The following DCUN1D1 variants were observed in gnomAD, a reference collection of about 807,000 sequenced individuals.
DCUN1D1 encodes the protein defective in cullin neddylation 1 domain containing 1.
DCUN1D1 carries 3 observed loss-of-function variants against 39.0 expected under a neutral mutation model. The observed-to-expected ratio is 0.08, with a 90% confidence interval of 0.04 to 0.20. DCUN1D1 has a LOEUF of 0.20. DCUN1D1 is among the 10% of genes least tolerant of loss of function. The pLI, the probability that DCUN1D1 is intolerant of heterozygous loss-of-function variation, is 1.00. For missense variants in DCUN1D1, 158 were observed against 302.4 expected, an observed-to-expected ratio of 0.52 and a Z score of 3.54; for synonymous variants, 82 against 96.3, an observed-to-expected ratio of 0.85 and a Z score of 0.87.
At position 182,964,151 on chromosome 3, in the gene DCUN1D1, A is replaced by T. The variant is rs1478576029; in HGVS notation, c.221-102T>A. ...ATATGCCATTTTTTAAATGACCACA[A>T]TATATGGAAGGCATGAAACGATATT... On this transcript the variant is annotated intron_variant, in intron 2 of 6. Coordinates refer to ENST00000292782, the MANE Select transcript of DCUN1D1 (RefSeq NM_020640.4). 3.4e-6 allele frequency: 3 copies of T among 893,120 alleles called. No individual in the cohort carries two copies. In the East Asian group the frequency reaches 7.7e-5, roughly 23 times the overall value. The allele number at this position is 893,120 out of a possible 1,614,324, so 55.3% of individuals were successfully genotyped here.
At chr3:182,948,490 A>G (rs976492225) in intron 4 of DCUN1D1, among the ~76,000 whole-genome samples, 27 of 151,650 alleles carry the variant, frequency 1.8e-4, no homozygotes, top group African/African-American at 6.1e-4. Flanking sequence ...CTTACCACAC[A>G]ACAGAGAACT....
chr3:182,979,386 T>G (rs1489159428), intron 1 of DCUN1D1, among the ~76,000 whole-genome samples: 3 of 151,994 alleles, frequency 2.0e-5, no homozygotes, highest in South Asian at 4.2e-4. Context: ...ACACACACCC[T>G]CCTCAAAGAG....
chr3:182,953,811 T>C (rs958682239), intron 4 of DCUN1D1, among the ~76,000 whole-genome samples: 1 of 152,180 alleles, frequency 6.6e-6, no homozygotes, highest in Non-Finnish European at 1.5e-5. Context: ...TGCATAAAAT[T>C]GAGATCCTTG....
In DCUN1D1 at chr3:182,945,038, A is replaced by C. The variant is rs1361943330; in HGVS notation, c.*56T>G. 6.8e-7 allele frequency: 1 copy of C among 1,476,728 alleles called. No homozygotes were observed. Among genetic ancestry groups the C allele is most frequent in the Non-Finnish European group, 9.4e-7 (1 of 1,060,558 alleles). 91.5% of individuals were successfully genotyped at this position (1,476,728 alleles called of 1,614,324 possible). On this transcript the variant is annotated 3_prime_UTR_variant, in exon 7 of 7. Transcript: ENST00000292782. ...CCAGCCAGCAGAAATTGACTGTGCA[A>C]TTTTCTGTTGTATTTATTGTACAGA... is the stretch of plus-strand genomic sequence containing the variant.
In DCUN1D1 at chr3:182,942,290, T is replaced by C. The variant is rs1282434851; in HGVS notation, c.*2804A>G. The C allele has an allele frequency of 2.0e-5, 3 of 152,108 alleles. No homozygotes were observed. The highest frequency in any genetic ancestry group is 7.2e-5 in the African/African-American group (3 of 41,434). The allele number at this position is 152,108 out of a possible 1,614,324, so 9.4% of individuals were successfully genotyped here. A position where few individuals can be genotyped will look rare whatever the true frequency, so the allele number is the denominator to read the frequency against. On this transcript the variant is annotated 3_prime_UTR_variant, in exon 7 of 7. Transcript: ENST00000292782. ...TTACAATGCTCTTTCCATGAATAAT[T>C]ATTCTTCCTAGAAAAGTTTTCAGGT...
intron 1 of DCUN1D1, among the ~76,000 whole-genome samples, chr3:182,971,986 C>T (rs1727961968): frequency 6.6e-6 from 1 of 151,586 alleles, no homozygotes; most frequent in African/African-American, 2.4e-5. Context: ...CTAAAAATTC[C>T]CCATTAAGCA....
chr3:182,978,125 G>C (rs1728335838), intron 1 of DCUN1D1, among the ~76,000 whole-genome samples: 1 of 150,828 alleles, frequency 6.6e-6, no homozygotes, highest in African/African-American at 2.4e-5. Context: ...TAGTCTGTGT[G>C]TGGGGGGAGG....
chr3:182,976,168 G>A (rs996979706), intron 1 of DCUN1D1, among the ~76,000 whole-genome samples: 6 of 152,002 alleles, frequency 3.9e-5, no homozygotes, highest in Non-Finnish European at 8.8e-5. Context: ...TCAAAACTCT[G>A]TACATAGAAG....
rs1560160889 is a variant in DCUN1D1, at chr3:182,947,542, G to T, written c.603+8C>A. The stretch of plus-strand genomic sequence containing the variant: ...AAACAGAGAGAAATGTAGAAAATGT[G>T]AACTTACCAACAAAAATTTATTCCA... On this transcript the variant is annotated splice_region_variant and intron_variant, in intron 5 of 6. Transcript: ENST00000292782. The T allele has an allele frequency of 2.7e-6, 4 of 1,487,590 alleles. No individual in the cohort carries two copies. The highest frequency in any genetic ancestry group is 3.7e-6 in the Non-Finnish European group (4 of 1,075,276). The allele number at this position is 1,487,590 out of a possible 1,614,324, so 92.1% of individuals were successfully genotyped here.
intron 1 of DCUN1D1, among the ~76,000 whole-genome samples, chr3:182,978,530 C>T (rs964566685): frequency 2.0e-5 from 3 of 152,120 alleles, no homozygotes; most frequent in African/African-American, 7.2e-5. Context: ...CTAGCACCAG[C>T]ATGCTTGGCT....
At chr3:182,957,142 G>A (rs1720858233) in intron 4 of DCUN1D1, among the ~76,000 whole-genome samples, 1 of 152,182 alleles carries the variant, frequency 6.6e-6, no homozygotes, top group Non-Finnish European at 1.5e-5. Flanking sequence ...TAATAAGGAA[G>A]AACTGTGTAA....
At chr3:182,966,222 T>C (rs965585209) in intron 1 of DCUN1D1, among the ~76,000 whole-genome samples, 4 of 152,154 alleles carry the variant, frequency 2.6e-5, no homozygotes, top group Non-Finnish European at 5.9e-5. Flanking sequence ...ACTGCAGTCC[T>C]AATACCCACT....
At chr3:182,949,115 C>G (rs1328253122) in intron 4 of DCUN1D1, among the ~76,000 whole-genome samples, 34 of 150,874 alleles carry the variant, frequency 2.3e-4, no homozygotes, top group Admixed American at 2.2e-3. Context: ...AATCCTAGCA[C>G]TTTGGGAGGC....
At chr3:182,973,185 T>G (rs1031895534) in intron 1 of DCUN1D1, among the ~76,000 whole-genome samples, 2 of 152,202 alleles carry the variant, frequency 1.3e-5, no homozygotes, top group African/African-American at 4.8e-5. Flanking sequence ...TATGTTTTTT[T>G]GACCTGATAA....
chr3:182,966,243 T>A (rs908932177), intron 1 of DCUN1D1, among the ~76,000 whole-genome samples: 1 of 152,158 alleles, frequency 6.6e-6, no homozygotes, highest in Non-Finnish European at 1.5e-5. Context: ...ATAAAGGATA[T>A]GGCGTGGGAA....
chr3:182,958,750 T>C (rs1365026496), intron 4 of DCUN1D1, among the ~76,000 whole-genome samples: 3 of 152,164 alleles, frequency 2.0e-5, no homozygotes, highest in Non-Finnish European at 4.4e-5. Context: ...ACATAATCTG[T>C]TTCTCAATTT....
intron 4 of DCUN1D1, among the ~76,000 whole-genome samples, chr3:182,959,819 A>G (rs1036467136): frequency 6.6e-6 from 1 of 152,184 alleles, no homozygotes; most frequent in African/African-American, 2.4e-5. Context: ...CATTTAACTC[A>G]TGGGGGTGGA....
chr3:182,961,798 A>C (rs1471602295), intron 3 of DCUN1D1, among the ~76,000 whole-genome samples: 1 of 152,204 alleles, frequency 6.6e-6, no homozygotes, highest in Non-Finnish European at 1.5e-5. Flanking sequence ...TCCTTCTGAA[A>C]ACTTGCTTCT....
chr3:182,975,212 T>C (rs1728160508), intron 1 of DCUN1D1, among the ~76,000 whole-genome samples: 1 of 151,072 alleles, frequency 6.6e-6, no homozygotes. Flanking sequence ...GGTCCCGCTC[T>C]GTCGCCCAGG....
Sources: allele counts gnomAD v4.1 joint callset (sites outside exome capture counted in the v4.1 genomes callset), GRCh38; gene constraint gnomAD v4.1.1; transcripts MANE v1.5; gene names NCBI Gene and HGNC (gene_info 2026-07-23, HGNC 2026-07-21).